The following SYCP1 variants were observed in gnomAD, a reference collection of about 807,000 sequenced individuals.
The protein encoded by SYCP1 is cancer/testis antigen 8.
In SYCP1, 64 loss-of-function variants were observed where a neutral mutation model predicts 153.1. The ratio of observed to expected loss-of-function variants is 0.42; its 90% CI spans 0.34 to 0.51. SYCP1 has a LOEUF of 0.51. SYCP1 is among the 20% of genes least tolerant of loss of function. SYCP1 has a pLI of 0.06. For synonymous variants in SYCP1, 384 were observed against 341.8 expected, an observed-to-expected ratio of 1.12 and a Z score of -1.36; for missense variants, 997 against 1,049.0, an observed-to-expected ratio of 0.95 and a Z score of 0.68.
At chr1:114,980,219 C>G (rs964683916) in intron 28 of SYCP1, among the ~76,000 whole-genome samples, 2 of 151,768 alleles carry the variant, frequency 1.3e-5, no homozygotes, top group Non-Finnish European at 2.9e-5. Context: ...GAATAATTGC[C>G]ACGATTGTAT....
At chr1:114,909,724 C>T (rs1668059509) in intron 16 of SYCP1, among the ~76,000 whole-genome samples, 1 of 152,014 alleles carries the variant, frequency 6.6e-6, no homozygotes, top group Admixed American at 6.6e-5. Flanking sequence ...ATATTTTAAG[C>T]ATCTAGTGAG....
At chr1:114,899,625 A>G (rs919002098) in intron 16 of SYCP1, among the ~76,000 whole-genome samples, 2 of 152,248 alleles carry the variant, frequency 1.3e-5, no homozygotes, top group South Asian at 2.1e-4. Context: ...TAGAAACACA[A>G]TTGACAAAGA....
intron 5 of SYCP1, 27 bp from the exon 6 acceptor site, chr1:114,858,519 AT>A: frequency 1.9e-6 from 3 of 1,539,924 alleles, no homozygotes; most frequent in Non-Finnish European, 2.6e-6. Context: ...ATTTTGGACA[AT>A]TAATTTTTGA....
chr1:114,950,734 G>A (rs1332925965), intron 27 of SYCP1, among the ~76,000 whole-genome samples: 1 of 151,822 alleles, frequency 6.6e-6, no homozygotes, highest in Non-Finnish European at 1.5e-5. Context: ...TAAAATGAAG[G>A]TATAATTATA....
chr1:114,971,514 G>A (rs1672488123), intron 27 of SYCP1, among the ~76,000 whole-genome samples: 1 of 152,132 alleles, frequency 6.6e-6, no homozygotes, highest in South Asian at 2.1e-4. Context: ...GTAGGGCTGA[G>A]ATCTTGCTCC....
At chr1:114,892,671 C>T (rs1666797727) in intron 15 of SYCP1, among the ~76,000 whole-genome samples, 1 of 152,114 alleles carries the variant, frequency 6.6e-6, no homozygotes, top group Non-Finnish European at 1.5e-5. Context: ...GTAGCAGCTG[C>T]AGGAGCGGGA....
chr1:114,923,725 T>A (rs1005210712), intron 21 of SYCP1, 195 bp downstream of exon 21: 11 of 393,688 alleles, frequency 2.8e-5, no homozygotes, highest in Non-Finnish European at 4.5e-5. Flanking sequence ...CTAGAAGAAA[T>A]AGTGGCATAA....
At chr1:114,989,275 T>A (rs1015111881) in intron 30 of SYCP1, among the ~76,000 whole-genome samples, 1 of 151,920 alleles carries the variant, frequency 6.6e-6, no homozygotes, top group Non-Finnish European at 1.5e-5. Context: ...TGGTATAAAT[T>A]TGAATTAGAT....
chr1:114,984,076 A>G (rs971032534), intron 29 of SYCP1, among the ~76,000 whole-genome samples: 3 of 151,776 alleles, frequency 2.0e-5, no homozygotes, highest in Admixed American at 6.6e-5. Context: ...TGTTTTTTTA[A>G]TTAAAAAAAA....
At chr1:114,857,352 A>C in intron 4 of SYCP1, 77 bp downstream of exon 4, 1 of 1,539,276 alleles carries the variant, frequency 6.5e-7, no homozygotes, top group Non-Finnish European at 8.9e-7. Flanking sequence ...AAAAGTCTTT[A>C]GTTATTGCAT....
intron 23 of SYCP1, among the ~76,000 whole-genome samples, chr1:114,938,453 C>T (rs1252577927): frequency 2.0e-5 from 3 of 151,468 alleles, no homozygotes; most frequent in Non-Finnish European, 4.4e-5. Context: ...ATGTAAATGA[C>T]GAGTTAACAG....
intron 23 of SYCP1, among the ~76,000 whole-genome samples, chr1:114,932,315 T>C (rs1283996275): frequency 6.6e-6 from 1 of 152,190 alleles, no homozygotes; most frequent in Non-Finnish European, 1.5e-5. Flanking sequence ...ACAGATGACA[T>C]GTATCCAGAA....
At chr1:114,913,243 C>A in intron 19 of SYCP1, 93 bp downstream of exon 19, 1 of 1,015,054 alleles carries the variant, frequency 9.9e-7, no homozygotes, top group Non-Finnish European at 1.5e-6. Context: ...CCTTTAAAGT[C>A]TGATTGCTTT....
intron 23 of SYCP1, among the ~76,000 whole-genome samples, chr1:114,932,308 G>C (rs1223048895): frequency 6.6e-6 from 1 of 152,190 alleles, no homozygotes; most frequent in East Asian, 1.9e-4. Flanking sequence ...TTATTTGACA[G>C]ATGACATGTA....
intron 28 of SYCP1, among the ~76,000 whole-genome samples, chr1:114,980,905 A>G (rs565286941): frequency 1.3e-5 from 2 of 151,818 alleles, no homozygotes; most frequent in Admixed American, 1.3e-4. Context: ...CCCGTTAGTT[A>G]TTTTTCCTGA....
chr1:114,979,683 C>A (rs910649862), intron 28 of SYCP1, among the ~76,000 whole-genome samples: 4 of 151,628 alleles, frequency 2.6e-5, no homozygotes, highest in African/African-American at 9.7e-5. Flanking sequence ...TACAGAAATG[C>A]AATTCTGAAA....
intron 27 of SYCP1, among the ~76,000 whole-genome samples, chr1:114,976,507 G>A (rs1032160488): frequency 1.6e-4 from 24 of 151,744 alleles, no homozygotes; most frequent in Non-Finnish European, 3.0e-4. Context: ...ATCTCCAGAC[G>A]AGGAAAAGTC....
intron 23 of SYCP1, among the ~76,000 whole-genome samples, chr1:114,938,516 G>C (rs564062897): frequency 6.6e-6 from 1 of 151,786 alleles, no homozygotes; most frequent in Admixed American, 6.6e-5. Context: ...CCTGCACATT[G>C]TGCACATGTA....
intron 27 of SYCP1, among the ~76,000 whole-genome samples, chr1:114,973,998 ATACTT>A (rs1216796832): frequency 1.3e-5 from 2 of 151,736 alleles, no homozygotes; most frequent in Non-Finnish European, 3.0e-5. Flanking sequence ...TGGAAATAGT[ATACTT>A]TATTTTTGTA....
Sources: gnomAD v4.1 joint callset for allele counts (sites outside exome capture counted in the v4.1 genomes callset) on GRCh38, gnomAD v4.1.1 for gene constraint, MANE v1.5 for transcripts, NCBI Gene and HGNC (gene_info 2026-07-23, HGNC 2026-07-21) for gene names.